ABCA13: variants seen among roughly 807,000 people sequenced by gnomAD.
ABCA13 encodes the protein ATP-binding cassette sub-family A member 13.
ABCA13 carries 476 observed loss-of-function variants against 478.7 expected under a neutral mutation model. The observed-to-expected ratio is 0.99, with a 90% CI of 0.92 to 1.07. The LOEUF (loss-of-function observed/expected upper bound fraction) is 1.07. ABCA13 is among the 50% of genes least tolerant of loss of function. The pLI is 0.00. For missense variants in ABCA13, 6,060 were observed against 5,910.6 expected, an observed-to-expected ratio of 1.03 and a Z score of -0.83; for synonymous variants, 2,252 against 2,158.9, an observed-to-expected ratio of 1.04 and a Z score of -1.20.
intron 41 of ABCA13, among the ~76,000 whole-genome samples, chr7:48,425,224 C>T (rs910094881): frequency 6.6e-6 from 1 of 152,000 alleles, no homozygotes; most frequent in Non-Finnish European, 1.5e-5. Flanking sequence ...TACACACTCA[C>T]ACACACACAC....
intron 26 of ABCA13, 54 bp downstream of exon 26, chr7:48,314,463 A>C: frequency 7.0e-7 from 1 of 1,429,142 alleles, no homozygotes; most frequent in South Asian, 1.4e-5. Flanking sequence ...TATCTTGATA[A>C]TTGGCCTTAA....
At chr7:48,391,506 TA>T (rs1474600880) in intron 37 of ABCA13, among the ~76,000 whole-genome samples, 1 of 152,230 alleles carries the variant, frequency 6.6e-6, no homozygotes, top group Non-Finnish European at 1.5e-5. Context: ...CACCTTATTA[TA>T]AAATACGCTT....
chr7:48,325,939 C>T (rs1186863130), intron 27 of ABCA13, among the ~76,000 whole-genome samples: 1 of 152,098 alleles, frequency 6.6e-6, no homozygotes, highest in African/African-American at 2.4e-5. Flanking sequence ...TGAATCTGCA[C>T]TCTAGGGTAT....
intron 15 of ABCA13, among the ~76,000 whole-genome samples, chr7:48,263,245 T>G (rs1794433635): frequency 6.6e-6 from 1 of 151,954 alleles, no homozygotes. Flanking sequence ...TGGCTGTTGT[T>G]ATGCATTCAT....
intron 42 of ABCA13, 88 bp from the exon 43 acceptor site, chr7:48,454,949 C>T (rs1452337214): frequency 7.1e-7 from 1 of 1,416,806 alleles, no homozygotes; most frequent in South Asian, 1.5e-5. Flanking sequence ...TGCGAGATGC[C>T]GCAGGGTCAC....
At chr7:48,553,625 A>T (rs1187363165) in intron 55 of ABCA13, among the ~76,000 whole-genome samples, 1 of 151,978 alleles carries the variant, frequency 6.6e-6, no homozygotes, top group South Asian at 2.1e-4. Context: ...CAAAATGTCT[A>T]TTCAGATTTT....
At chr7:48,574,281 A>T (rs2131335802) in intron 55 of ABCA13, among the ~76,000 whole-genome samples, 1 of 152,248 alleles carries the variant, frequency 6.6e-6, no homozygotes, top group South Asian at 2.1e-4. Flanking sequence ...AGAAAATGGG[A>T]TGATCTTACT....
Position 48,551,218 on chromosome 7 carries a change from A to G in ABCA13, c.14354+22873A>G, listed in dbSNP as rs943210488. Among the ~76,000 whole-genome samples the G allele has an allele frequency of 2.0e-5, 3 of 151,844 alleles. 1 individual carries two copies. Among genetic ancestry groups the G allele is most frequent in the African/African-American group, 7.2e-5 (3 of 41,408 alleles). On this transcript the variant is annotated intron_variant, in intron 55 of 61. Transcript: ENST00000435803. ...GTCTACTCCTACTTAATATGTGAGCATTAAAATCCTTAATGAAAACCCTTG... is the reference window on the plus strand; with the variant it reads ...GTCTACTCCTACTTAATATGTGAGCGTTAAAATCCTTAATGAAAACCCTTG...
At chr7:48,589,510 A>G (rs1048529731) in intron 57 of ABCA13, among the ~76,000 whole-genome samples, 1 of 152,210 alleles carries the variant, frequency 6.6e-6, no homozygotes, top group Non-Finnish European at 1.5e-5. Flanking sequence ...GTTGACTACA[A>G]TCAAACTAAT....
chr7:48,622,125 C>G (rs750236118), intron 59 of ABCA13, among the ~76,000 whole-genome samples: 42 of 152,160 alleles, frequency 2.8e-4, no homozygotes, highest in Non-Finnish European at 4.9e-4. Flanking sequence ...ATCATCAAGT[C>G]CCTCCTTGTC....
At chr7:48,589,347 T>TACC (rs148048228) in intron 57 of ABCA13, among the ~76,000 whole-genome samples, 3,317 of 152,252 alleles carry the variant, frequency 0.022, 124 homozygotes, top group African/African-American at 0.075. Context: ...AGGGTTGGCT[T>TACC]ACCTAGCCAG....
At position 48,356,822 on chromosome 7, in the gene ABCA13, T is replaced by C. The variant is rs986334689; in HGVS notation, c.10688+4335T>C. On this transcript the variant is annotated intron_variant, in intron 31 of 61. Transcript: ENST00000435803. ...ATTTTATGATTGGAACTGTAGTGTG[T>C]ACTTCATGAATATAAAGGAATTCAA... 2.6e-5 allele frequency among the ~76,000 whole-genome samples: 4 copies of C among 152,128 alleles called. No individual in the cohort carries two copies. In the Middle Eastern group the frequency reaches 0.01, roughly 388 times the overall value.
chr7:48,408,235 C>G (rs1818520230), intron 39 of ABCA13, among the ~76,000 whole-genome samples: 1 of 152,242 alleles, frequency 6.6e-6, no homozygotes, highest in Non-Finnish European at 1.5e-5. Flanking sequence ...TCCTTCTCCT[C>G]CCTCCCTGCT....
At chr7:48,395,102 A>G (rs2129060514) in intron 38 of ABCA13, among the ~76,000 whole-genome samples, 1 of 152,340 alleles carries the variant, frequency 6.6e-6, no homozygotes, top group South Asian at 2.1e-4. Flanking sequence ...GCACAGGCAC[A>G]TTACAGAAGC....
rs1343811358 is a variant in ABCA13 at position 48,411,043 on chromosome 7, CTTTCTTTT to C, written c.12228+368_12228+375del. On this transcript the variant is annotated intron_variant, in intron 40 of 61. Coordinates refer to ENST00000435803, the MANE Select transcript of ABCA13 (RefSeq NM_152701.5). Reference sequence around the variant, plus strand: ...TCTTTCTTTCTTTCTTTCTTTCTTTCTTTCTTTTTCTTTCTTTCTTTCTTTCTTTTTCT... The same window carrying C: ...TCTTTCTTTCTTTCTTTCTTTCTTTCTCTTTCTTTCTTTCTTTCTTTTTCT... Among the ~76,000 whole-genome samples the C allele has an allele frequency of 1.3e-4, 12 of 89,382 alleles. 1 individual carries two copies. The highest frequency in any genetic ancestry group is 2.5e-4 in the Non-Finnish European group (10 of 40,750). The allele number at this position is 89,382 out of a possible 152,430, so 58.6% of individuals were successfully genotyped here. A position where few individuals can be genotyped will look rare whatever the true frequency, so the allele number is the denominator to read the frequency against.
Position 48,372,276 on chromosome 7 carries a change from AC to A in ABCA13, c.10913del (p.Thr3638LysfsTer27), listed in dbSNP as rs1306233635. 1.2e-6 allele frequency: 2 copies of A among 1,613,840 alleles called. No homozygotes were observed. Among genetic ancestry groups the A allele is most frequent in the Non-Finnish European group, 1.7e-6 (2 of 1,179,874 alleles). On this transcript the variant is annotated frameshift_variant, in exon 33 of 62. Coordinates refer to ENST00000435803, the MANE Select transcript of ABCA13 (RefSeq NM_152701.5). LOFTEE classifies it high-confidence loss of function. ...SSATLAIVLK[T>X]SGIFAHSNTF... ...TGCTACTCTGGCCATCGTTCTGAAA[AC>A]AAGTGGCATCTTTGCACACAGCAAT...
At chr7:48,399,194 G>C (rs77180871) in intron 38 of ABCA13, among the ~76,000 whole-genome samples, 1 of 152,086 alleles carries the variant, frequency 6.6e-6, no homozygotes, top group Non-Finnish European at 1.5e-5. Context: ...GAAAAGTGAG[G>C]TCAAGAGAAA....
At chr7:48,578,915 A>C (rs1205624978) in intron 55 of ABCA13, among the ~76,000 whole-genome samples, 1 of 152,234 alleles carries the variant, frequency 6.6e-6, no homozygotes, top group Non-Finnish European at 1.5e-5. Flanking sequence ...AAATGGTGCC[A>C]GAACAAATGG....
chr7:48,173,880 G>A (rs983608354), intron 1 of ABCA13, among the ~76,000 whole-genome samples: 2 of 152,208 alleles, frequency 1.3e-5, no homozygotes, highest in African/African-American at 4.8e-5. Flanking sequence ...TTCTTATTTG[G>A]TAGAAATGGG....
Sources: gnomAD v4.1 joint callset for allele counts (sites outside exome capture counted in the v4.1 genomes callset) on GRCh38, gnomAD v4.1.1 for gene constraint, MANE v1.5 for transcripts, NCBI Gene and HGNC (gene_info 2026-07-23, HGNC 2026-07-21) for gene names.